Variants in AVIL observed in about 807,000 individuals in gnomAD.
AVIL encodes advillin.
AVIL carries 78 observed loss-of-function variants against 109.9 expected under a neutral mutation model. The ratio of observed to expected loss-of-function variants is 0.71; its 90% CI spans 0.59 to 0.86. The LOEUF (loss-of-function observed/expected upper bound fraction) is 0.86, where lower values mean the gene tolerates loss of function less well. Among genes scored for constraint, AVIL ranks in the 40% least tolerant of loss-of-function variants. AVIL has a pLI of 0.00. For synonymous variants in AVIL, 367 were observed against 379.1 expected (o/e 0.97, Z 0.37); for missense variants, 892 against 1,016.5 (o/e 0.88, Z 1.67).
At chr12:57,798,789 G>C (rs1955787094) in intron 19 of AVIL, among the ~76,000 whole-genome samples, 1 of 151,772 alleles carries the variant, frequency 6.6e-6, no homozygotes, top group South Asian at 2.1e-4. Context: ...GCTAATTTTT[G>C]TATTTTTAGT....
Position 57,810,335 on chromosome 12 carries a change from G to A in AVIL, c.761+14C>T. The A allele has an allele frequency of 6.2e-7, 1 of 1,612,654 alleles. No homozygotes were observed. Among genetic ancestry groups the A allele is most frequent in the Non-Finnish European group, 8.5e-7 (1 of 1,178,824 alleles). On this transcript the variant is annotated intron_variant, in intron 7 of 19. Transcript: ENST00000549994. ...AACCCCAGCTTCCAGCTAAAACCAGGTTGAGCTACTCACTGATACAACATG... is the reference window on the plus strand; with the variant it reads ...AACCCCAGCTTCCAGCTAAAACCAGATTGAGCTACTCACTGATACAACATG...
At position 57,809,712 on chromosome 12, in the gene AVIL, T is replaced by C. The variant is rs374728531; in HGVS notation, c.841-17A>G. 6.2e-7 allele frequency: 1 copy of C among 1,613,968 alleles called. No homozygotes were observed. Among genetic ancestry groups the C allele is most frequent in the African/African-American group, 1.3e-5 (1 of 74,902 alleles). On this transcript the variant is annotated splice_polypyrimidine_tract_variant and intron_variant, in intron 8 of 19. Coordinates refer to ENST00000549994, the MANE Select transcript of AVIL (RefSeq NM_006576.4). ...GTAGCAGTCCTAAAGCAGCCAGAGA[T>C]AGGTATGGTTGCTCAAGACCAGAAG...
Position 57,807,351 on chromosome 12 carries a change from C to T in AVIL, c.1471G>A (p.Gly491Arg), listed in dbSNP as rs1192518888. The T allele has an allele frequency of 1.2e-6, 2 of 1,614,232 alleles. No individual in the cohort carries two copies. The change falls in exon 13 of 20, where the codon GGG (glycine) becomes AGG (arginine). Residue 491 changes from glycine (G) to arginine (R), a missense_variant. Physicochemically the swap from Gly to Arg is moderately radical, Grantham distance 125 (BLOSUM62 -2). Coordinates refer to ENST00000549994, the MANE Select transcript of AVIL (RefSeq NM_006576.4). ...CTCACCTCAAAGATAACTAGCTTCCCTTTGAAGATGGCCATGAAGTGGCGT... is the reference window on the plus strand; with the variant it reads ...CTCACCTCAAAGATAACTAGCTTCCTTTTGAAGATGGCCATGAAGTGGCGT... ...EPRHFMAIFK[G>R]KLVIFEGGTS...
intron 2 of AVIL, 41 bp from the exon 3 acceptor site, chr12:57,814,267 A>G (rs1485670589): frequency 1.3e-6 from 2 of 1,566,946 alleles, no homozygotes; most frequent in Non-Finnish European, 1.7e-6. Context: ...ATCCCCTCCC[A>G]CCTCCCTTCC....
intron 6 of AVIL, 127 bp downstream of exon 6, chr12:57,810,689 C>T (rs1321831118): frequency 1.5e-6 from 2 of 1,374,136 alleles, no homozygotes; most frequent in Non-Finnish European, 2.0e-6. Context: ...CAAACTCACA[C>T]ACTTGGCCTG....
rs66731427 is a variant in AVIL, at chr12:57,818,182, C to CTTTTTTTTTTTTTTTTTTTTT, written c.-20+426_-20+446dup. On this transcript the variant is annotated intron_variant, in intron 1 of 19. Transcript: ENST00000549994. The stretch of plus-strand genomic sequence containing the variant: ...CACAGGTGTGCACCACCATGCTTGG[C>CTTTTTTTTTTTTTTTTTTTTT]TTTTTTTTTTTTTTTTTTTTTTTTT... Among the ~76,000 whole-genome samples, 17 of 35,270 alleles carry CTTTTTTTTTTTTTTTTTTTTT rather than the reference C, an allele frequency of 4.8e-4. 2 individuals are homozygous for CTTTTTTTTTTTTTTTTTTTTT. The East Asian group carries it at 7.1e-3, about 15-fold the overall frequency. The allele number at this position is 35,270 out of a possible 152,430, so 23.1% of individuals were successfully genotyped here. A position where few individuals can be genotyped will look rare whatever the true frequency, so the allele number is the denominator to read the frequency against.
Position 57,802,308 on chromosome 12 carries a change from T to G in AVIL, c.2003A>C (p.Lys668Thr). The change falls in exon 17 of 20, where the codon AAG becomes ACG. Residue 668 changes from lysine (K) to threonine (T), a missense_variant. By Grantham distance (78) the Lys-to-Thr change is moderately conservative. Transcript: ENST00000549994. Reference protein sequence around the residue: ...WIGAEANATEKESALATAQQY... With the variant: ...WIGAEANATETESALATAQQY... ...CTGTGCTGTGGCAAGGGCACTCTCC[T>G]TCTCCGTGGCATTGGCCTCAGCCCC... 1 of 1,613,856 alleles carries G rather than the reference T, an allele frequency of 6.2e-7. No individual in the cohort carries two copies. The highest frequency in any genetic ancestry group is 1.1e-5 in the South Asian group (1 of 91,002).
In AVIL at chr12:57,806,400, A is replaced by G. The variant is rs1185387963; in HGVS notation, c.1631T>C (p.Leu544Pro). 2.5e-6 allele frequency: 4 copies of G among 1,614,170 alleles called. 1 individual carries two copies. Among genetic ancestry groups the G allele is most frequent in the Non-Finnish European group, 3.4e-6 (4 of 1,180,032 alleles). Residue 544 changes from leucine to proline, a missense_variant, in exon 14 of 20, where the codon CTG becomes CCG. Leu to Pro is a moderately conservative substitution (Grantham distance 98). Coordinates refer to ENST00000549994, the MANE Select transcript of AVIL (RefSeq NM_006576.4). ...GTAGTGCTCTGCCTGAGTTCGCAGC[A>G]GAAAGACATCATTGGAGTTTAGGGA... Reference protein sequence around the residue: ...ASSLNSNDVFLLRTQAEHYLW... With the variant: ...ASSLNSNDVFPLRTQAEHYLW...
chr12:57,802,196 T>G lies in AVIL; in HGVS notation c.2115A>C (p.Thr705=). The stretch of plus-strand genomic sequence containing the variant: ...TAGGGTCCCAGGCTAGGAACCAGCC[T>G]GTGAAGATGGGAGGCTCAAACCCCT... ...IKQGFEPPIF[T]GWFLAWDPNI... is the part of the protein sequence containing the mutation. Residue 705 remains threonine, a synonymous_variant, in exon 17 of 20, where the codon ACA becomes ACC. Coordinates refer to ENST00000549994, the MANE Select transcript of AVIL (RefSeq NM_006576.4). 1 of 1,614,012 alleles carries G rather than the reference T, an allele frequency of 6.2e-7. No homozygotes were observed. The highest frequency in any genetic ancestry group is 8.5e-7 in the Non-Finnish European group (1 of 1,179,890).
At position 57,811,018 on chromosome 12, in the gene AVIL, C is replaced by T. The variant is rs1352047289; in HGVS notation, c.447+1G>A. The T allele has an allele frequency of 6.2e-7, 1 of 1,614,072 alleles. No homozygotes were observed. The highest frequency in any genetic ancestry group is 8.5e-7 in the Non-Finnish European group (1 of 1,180,042). On this transcript the variant is annotated splice_donor_variant, in intron 5 of 19. Coordinates refer to ENST00000549994, the MANE Select transcript of AVIL (RefSeq NM_006576.4). LOFTEE classifies it high-confidence loss of function. ...TGGGGCAGAGAGTGTGCAGGACTAA[C>T]CTCGGTAGCCCTGATGTTTCTTTTC...
At chr12:57,810,998 C>A in intron 5 of AVIL, 21 bp downstream of exon 5, 1 of 1,614,014 alleles carries the variant, frequency 6.2e-7, no homozygotes, top group African/African-American at 1.3e-5. Context: ...GGGCCTGGGG[C>A]AGAGAGTGTG....
intron 3 of AVIL, among the ~76,000 whole-genome samples, chr12:57,813,934 C>T (rs1236407440): frequency 6.6e-6 from 1 of 152,180 alleles, no homozygotes; most frequent in Non-Finnish European, 1.5e-5. Flanking sequence ...GAGGTTCAGA[C>T]TGAGGGTCCT....
At chr12:57,806,249 C>T in intron 14 of AVIL, 111 bp downstream of exon 14, 1 of 1,242,892 alleles carries the variant, frequency 8.0e-7, no homozygotes, top group Non-Finnish European at 1.2e-6. Flanking sequence ...TATGTGCTGC[C>T]AAAGCAAGCA....
intron 2 of AVIL, chr12:57,815,626 C>T: frequency 2.3e-6 from 3 of 1,310,930 alleles, no homozygotes; most frequent in Non-Finnish European, 3.0e-6. Flanking sequence ...AAGACATGTT[C>T]CATTTCTCTG....
Position 57,810,863 on chromosome 12 carries a change from T to C in AVIL, c.511A>G (p.Ile171Val). The C allele has an allele frequency of 1.2e-6, 2 of 1,614,206 alleles. No individual in the cohort carries two copies. The highest frequency in any genetic ancestry group is 1.7e-6 in the Non-Finnish European group (2 of 1,180,038). ...DVFLLDLGKV[I>V]IQWNGPESNS... is the part of the protein sequence containing the mutation. ...CTCTCTGGGCCATTCCATTGGATGA[T>C]GACTTTCCCAAGGTCCAGCAAGAAG... The change falls in exon 6 of 20, where the codon ATC becomes GTC. Residue 171 changes from isoleucine to valine, a missense_variant. Transcript: ENST00000549994.
chr12:57,808,133 C>T, intron 11 of AVIL, 61 bp downstream of exon 11: 1 of 1,559,764 alleles, frequency 6.4e-7, no homozygotes, highest in Non-Finnish European at 8.8e-7. Flanking sequence ...ACCCCTGCCC[C>T]CAGCAGGACA....
chr12:57,801,823 T>C (rs1031408602), intron 17 of AVIL, among the ~76,000 whole-genome samples: 1 of 152,210 alleles, frequency 6.6e-6, no homozygotes, highest in Non-Finnish European at 1.5e-5. Flanking sequence ...AAATGACTTA[T>C]CCTCTTAGCT....
At chr12:57,818,049 T>G (rs1465942907) in intron 1 of AVIL, among the ~76,000 whole-genome samples, 2 of 151,940 alleles carry the variant, frequency 1.3e-5, no homozygotes, top group Non-Finnish European at 2.9e-5. Flanking sequence ...GACAGGGTCT[T>G]GCTCTGTCAC....
chr12:57,816,430 G>A, intron 1 of AVIL: 1 of 177,578 alleles, frequency 5.6e-6, no homozygotes, highest in South Asian at 1.1e-4. Context: ...GTGTGAATCT[G>A]AGGTTTGCAA....
Sources: allele counts gnomAD v4.1 joint callset (sites outside exome capture counted in the v4.1 genomes callset), GRCh38; gene constraint gnomAD v4.1.1; transcripts MANE v1.5; gene names NCBI Gene and HGNC (gene_info 2026-07-23, HGNC 2026-07-21).